The following FAM227A variants were observed in gnomAD, a reference collection of about 807,000 sequenced individuals.
FAM227A encodes the protein protein FAM227A.
Under a neutral mutation model 74.7 loss-of-function variants are expected in FAM227A, and 80 were observed. That is an observed-to-expected ratio of 1.07 (90% CI 0.89 to 1.29). The LOEUF (loss-of-function observed/expected upper bound fraction) is 1.29, where lower values mean the gene tolerates loss of function less well. Among genes scored for constraint, FAM227A ranks in the 50% most tolerant of loss-of-function variants. The probability of loss-of-function intolerance (pLI) is 0.00; values close to 1 mark genes in which losing one functional copy is unlikely to be tolerated. For missense variants in FAM227A, 654 were observed against 683.4 expected (o/e 0.96, Z 0.48); for synonymous variants, 237 against 241.8 (o/e 0.98, Z 0.19).
intron 6 of FAM227A, among the ~76,000 whole-genome samples, chr22:38,631,777 T>C (rs191115146): frequency 6.6e-6 from 1 of 152,296 alleles, no homozygotes; most frequent in Non-Finnish European, 1.5e-5. Flanking sequence ...GAAAAGGTAC[T>C]GGTGCTGAGA....
chr22:38,620,410 T>C, intron 10 of FAM227A, 119 bp from the exon 11 acceptor site: 1 of 740,706 alleles, frequency 1.4e-6, no homozygotes, highest in Non-Finnish European at 2.3e-6. Flanking sequence ...ATCTAGGGTC[T>C]CTCTGTTGAC....
intron 2 of FAM227A, among the ~76,000 whole-genome samples, chr22:38,647,143 C>T (rs997916574): frequency 1.5e-5 from 2 of 136,636 alleles, no homozygotes; most frequent in African/African-American, 5.4e-5. Flanking sequence ...TGCGAGACTC[C>T]ATCTCAAAAA....
At chr22:38,595,307 T>C (rs770071850) in intron 15 of FAM227A, among the ~76,000 whole-genome samples, 5 of 152,202 alleles carry the variant, frequency 3.3e-5, no homozygotes, top group Non-Finnish European at 5.9e-5. Flanking sequence ...TCCAGTCCAG[T>C]TGTGGAAATC....
intron 15 of FAM227A, 132 bp from the exon 16 acceptor site, chr22:38,591,672 A>T (rs144732974): frequency 3.4e-4 from 210 of 621,452 alleles, no homozygotes; most frequent in Middle Eastern, 1.2e-3. Context: ...TAACATAGAA[A>T]CTAGGAGTGC....
At chr22:38,620,153 G>A (rs1167323542) in intron 11 of FAM227A, 59 bp downstream of exon 11, 19 of 1,211,008 alleles carry the variant, frequency 1.6e-5, no homozygotes, top group African/African-American at 3.1e-5. Context: ...CAGAAGAACC[G>A]AGGGTTCCTG....
intron 5 of FAM227A, among the ~76,000 whole-genome samples, chr22:38,638,383 G>T (rs1457266301): frequency 6.6e-6 from 1 of 152,196 alleles, no homozygotes; most frequent in Middle Eastern, 3.2e-3. Flanking sequence ...CAGCAACTCT[G>T]CAGTGGTACA....
chr22:38,624,464 C>G (rs184966066), intron 9 of FAM227A, among the ~76,000 whole-genome samples: 1 of 152,244 alleles, frequency 6.6e-6, no homozygotes, highest in African/African-American at 2.4e-5. Context: ...CTTAGAAAGG[C>G]CTGCTTGCGA....
chr22:38,649,833 A>C (rs2092297198), intron 2 of FAM227A, 194 bp downstream of exon 2: 11 of 533,990 alleles, frequency 2.1e-5, no homozygotes, highest in Non-Finnish European at 3.2e-5. Context: ...GTGCCACTGC[A>C]CTCCAGCCTG....
intron 12 of FAM227A, among the ~76,000 whole-genome samples, chr22:38,606,566 A>C (rs1417317804): frequency 6.6e-6 from 1 of 152,202 alleles, no homozygotes; most frequent in Non-Finnish European, 1.5e-5. Flanking sequence ...CCTCCTGGCC[A>C]GCACTGGTGC....
At chr22:38,598,891 TTC>T (rs944481558) in intron 14 of FAM227A, among the ~76,000 whole-genome samples, 1 of 152,160 alleles carries the variant, frequency 6.6e-6, no homozygotes, top group Admixed American at 6.5e-5. Context: ...AGAACCCGTG[TTC>T]TCTGACTCCT....
intron 6 of FAM227A, among the ~76,000 whole-genome samples, chr22:38,632,637 G>C (rs2091936176): frequency 6.6e-6 from 1 of 152,192 alleles, no homozygotes; most frequent in Non-Finnish European, 1.5e-5. Flanking sequence ...TTTGTGCAGA[G>C]AGAGACGACA....
At chr22:38,595,607 G>C (rs1199107191) in intron 15 of FAM227A, among the ~76,000 whole-genome samples, 1 of 152,190 alleles carries the variant, frequency 6.6e-6, no homozygotes, top group Non-Finnish European at 1.5e-5. Flanking sequence ...CAGTCTGGGA[G>C]AATCACATCA....
intron 6 of FAM227A, among the ~76,000 whole-genome samples, chr22:38,633,775 C>G (rs901925836): frequency 6.6e-6 from 1 of 152,082 alleles, no homozygotes; most frequent in African/African-American, 2.4e-5. Context: ...CTCCTGATCT[C>G]GTGATCCAAC....
intron 10 of FAM227A, among the ~76,000 whole-genome samples, chr22:38,622,838 T>G (rs2091718666): frequency 7.9e-6 from 1 of 126,924 alleles, no homozygotes; most frequent in Non-Finnish European, 1.5e-5. Context: ...ATCACACCAC[T>G]GCACTCCAGC....
chr22:38,636,634 C>T, intron 5 of FAM227A, 37 bp from the exon 6 acceptor site: 2 of 1,538,420 alleles, frequency 1.3e-6, no homozygotes, highest in Non-Finnish European at 1.8e-6. Context: ...ATGGGGTTCA[C>T]ATTTTGACAG....
intron 1 of FAM227A, among the ~76,000 whole-genome samples, chr22:38,652,171 G>GC (rs908729624): frequency 7.3e-5 from 11 of 151,326 alleles, no homozygotes; most frequent in African/African-American, 2.4e-5. Context: ...GAAAGACAGA[G>GC]TAAGACCCTG....
At chr22:38,637,432 T>A (rs2092029237) in intron 5 of FAM227A, among the ~76,000 whole-genome samples, 1 of 152,236 alleles carries the variant, frequency 6.6e-6, no homozygotes, top group Non-Finnish European at 1.5e-5. Flanking sequence ...GTGGTTAATA[T>A]ATATCATTAA....
intron 11 of FAM227A, among the ~76,000 whole-genome samples, chr22:38,613,727 T>C (rs2091518065): frequency 6.6e-6 from 1 of 152,072 alleles, no homozygotes; most frequent in African/African-American, 2.4e-5. Context: ...TAATGTTTAT[T>C]GAGTTCTTAC....
chr22:38,588,615 T>TAAA (rs757871619), intron 16 of FAM227A, among the ~76,000 whole-genome samples: 2 of 47,872 alleles, frequency 4.2e-5, no homozygotes, highest in Non-Finnish European at 7.8e-5. Context: ...TGACTCTGTC[T>TAAA]AAAAAAAAAA....
Sources: allele counts gnomAD v4.1 joint callset (sites outside exome capture counted in the v4.1 genomes callset), GRCh38; gene constraint gnomAD v4.1.1; transcripts MANE v1.5; gene names NCBI Gene and HGNC (gene_info 2026-07-23, HGNC 2026-07-21).